The following PDSS2 variants were observed in gnomAD, a reference collection of about 807,000 sequenced individuals.
The protein encoded by PDSS2 is decaprenyl diphosphate synthase subunit 2, also known as all trans-polyprenyl-diphosphate synthase PDSS2.
In PDSS2, 31 loss-of-function variants were observed where a neutral mutation model predicts 44.5. That is an observed-to-expected ratio of 0.70 (90% CI 0.52 to 0.94). The LOEUF (loss-of-function observed/expected upper bound fraction) is 0.94, where lower values mean the gene tolerates loss of function less well. PDSS2 is among the 40% of genes least tolerant of loss of function. PDSS2 has a pLI of 0.00. For synonymous variants in PDSS2, 157 were observed against 180.3 expected, an observed-to-expected ratio of 0.87 and a Z score of 1.03; for missense variants, 452 against 482.2, an observed-to-expected ratio of 0.94 and a Z score of 0.59.
chr6:107,263,090 T>A (rs1775296745), intron 3 of PDSS2, among the ~76,000 whole-genome samples: 1 of 152,232 alleles, frequency 6.6e-6, no homozygotes, highest in Admixed American at 6.5e-5. Flanking sequence ...TATTTCTTGT[T>A]CAGTTTGTTT....
chr6:107,320,088 G>T (rs900319576), intron 2 of PDSS2, among the ~76,000 whole-genome samples: 5 of 152,150 alleles, frequency 3.3e-5, no homozygotes, highest in African/African-American at 1.2e-4. Flanking sequence ...TCGTTTGCAT[G>T]GCATAATAAG....
At chr6:107,333,919 C>A (rs539473466) in intron 2 of PDSS2, among the ~76,000 whole-genome samples, 3 of 152,042 alleles carry the variant, frequency 2.0e-5, no homozygotes, top group Non-Finnish European at 4.4e-5. Flanking sequence ...CACAACAATA[C>A]ATAATAAGGG....
chr6:107,154,129 T>C lies in PDSS2; in HGVS notation c.*490A>G. 6.2e-6 allele frequency: 1 copy of C among 161,768 alleles called. No individual in the cohort carries two copies. Among genetic ancestry groups the C allele is most frequent in the Non-Finnish European group, 1.4e-5 (1 of 73,848 alleles). 10.0% of individuals were successfully genotyped at this position (161,768 alleles called of 1,614,324 possible). ...TAATTACAAGCCAACAAATAAAACA[T>C]ATTTTTCTCAATCCATTGAACTACT... On this transcript the variant is annotated 3_prime_UTR_variant, in exon 8 of 8. Transcript: ENST00000369037.
chr6:107,393,399 A>T (rs563036089), intron 1 of PDSS2, among the ~76,000 whole-genome samples: 2 of 152,276 alleles, frequency 1.3e-5, no homozygotes, highest in South Asian at 4.1e-4. Flanking sequence ...AATTATTGAG[A>T]CTTTAAAAAT....
chr6:107,302,139 A>G (rs1274163861), intron 2 of PDSS2, among the ~76,000 whole-genome samples: 1 of 152,184 alleles, frequency 6.6e-6, no homozygotes, highest in Non-Finnish European at 1.5e-5. Context: ...TTAGCCTTCA[A>G]TGAGACTATT....
intron 2 of PDSS2, among the ~76,000 whole-genome samples, chr6:107,329,518 T>C (rs1426353954): frequency 6.6e-6 from 1 of 152,148 alleles, no homozygotes; most frequent in African/African-American, 2.4e-5. Context: ...TGTATATGCA[T>C]ATCTATGTCC....
chr6:107,232,685 G>A (rs1174646051), intron 4 of PDSS2, among the ~76,000 whole-genome samples: 1 of 152,118 alleles, frequency 6.6e-6, no homozygotes, highest in African/African-American at 2.4e-5. Context: ...TGAGCTCCAT[G>A]GGGGCAAAGA....
intron 1 of PDSS2, among the ~76,000 whole-genome samples, chr6:107,409,289 A>G (rs1343730036): frequency 6.6e-6 from 1 of 152,214 alleles, no homozygotes. Flanking sequence ...CTTGATTTTT[A>G]TAACTTTGGT....
intron 7 of PDSS2, among the ~76,000 whole-genome samples, chr6:107,186,585 G>A (rs193183522): frequency 5.9e-5 from 9 of 152,060 alleles, no homozygotes; most frequent in African/African-American, 9.6e-5. Context: ...CTATTGACCC[G>A]CTCTCTAAGT....
intron 1 of PDSS2, among the ~76,000 whole-genome samples, chr6:107,449,569 T>C (rs1415244791): frequency 6.6e-6 from 1 of 152,224 alleles, no homozygotes; most frequent in East Asian, 1.9e-4. Flanking sequence ...GACTGGCTTA[T>C]TTCACTTAGC....
At chr6:107,161,661 T>G (rs1158596212) in intron 7 of PDSS2, among the ~76,000 whole-genome samples, 1 of 152,174 alleles carries the variant, frequency 6.6e-6, no homozygotes, top group Non-Finnish European at 1.5e-5. Flanking sequence ...TATCCATGAC[T>G]CCTTTTGTGC....
intron 1 of PDSS2, among the ~76,000 whole-genome samples, chr6:107,359,789 A>C (rs1007139737): frequency 6.6e-6 from 1 of 152,130 alleles, no homozygotes. Context: ...AAGTCCAAAG[A>C]AATATGAAAA....
intron 1 of PDSS2, among the ~76,000 whole-genome samples, chr6:107,369,872 G>A (rs144142953): frequency 6.6e-6 from 1 of 152,066 alleles, no homozygotes; most frequent in Non-Finnish European, 1.5e-5. Flanking sequence ...TGTGGGTGGT[G>A]TTATGTCTGT....
chr6:107,323,352 C>T (rs1218097605), intron 2 of PDSS2, among the ~76,000 whole-genome samples: 1 of 152,104 alleles, frequency 6.6e-6, no homozygotes. Context: ...AGTGCTGTGC[C>T]TTGCAGAGAC....
At chr6:107,322,290 C>T (rs1174413389) in intron 2 of PDSS2, among the ~76,000 whole-genome samples, 3 of 150,824 alleles carry the variant, frequency 2.0e-5, no homozygotes, top group Non-Finnish European at 4.4e-5. Context: ...GAGGCCAAGG[C>T]AGGTGGATCA....
At chr6:107,343,827 T>C (rs1488938436) in intron 1 of PDSS2, among the ~76,000 whole-genome samples, 1 of 152,288 alleles carries the variant, frequency 6.6e-6, no homozygotes, top group East Asian at 1.9e-4. Context: ...GTGCTTGAAA[T>C]AGTGTTTAAA....
chr6:107,261,910 T>TC lies in PDSS2; in HGVS notation c.630+12118_630+12119insG, dbSNP rs1355288956. On this transcript the variant is annotated intron_variant, in intron 3 of 7. Coordinates refer to ENST00000369037, the MANE Select transcript of PDSS2 (RefSeq NM_020381.4). ...AGGTATTTCTTTTCTTTCTTTTCTT[T>TC]TTTTTTTTTTTTTTTTGAGATGGAG... is the stretch of plus-strand genomic sequence containing the variant. Among the ~76,000 whole-genome samples the TC allele has an allele frequency of 3.4e-4, 35 of 102,890 alleles. No homozygotes were observed. The East Asian group carries it at 5.8e-3, about 17-fold the overall frequency. 67.5% of individuals were successfully genotyped at this position (102,890 alleles called of 152,430 possible). A position where few individuals can be genotyped will look rare whatever the true frequency, so the allele number is the denominator to read the frequency against.
At chr6:107,333,436 CAT>C (rs1359622537) in intron 2 of PDSS2, among the ~76,000 whole-genome samples, 1 of 152,052 alleles carries the variant, frequency 6.6e-6, no homozygotes, top group East Asian at 1.9e-4. Flanking sequence ...AATCTAAATA[CAT>C]GAGATGTAAA....
rs77383836 is a variant in PDSS2 at position 107,451,160 on chromosome 6, T to C, written c.296+7830A>G. The stretch of plus-strand genomic sequence containing the variant: ...TGTTTAATTTTATAAGAAATTGTTA[T>C]GCTGTTTTCCAGAGGGGCCGAACCA... On this transcript the variant is annotated intron_variant, in intron 1 of 7. Coordinates refer to ENST00000369037, the MANE Select transcript of PDSS2 (RefSeq NM_020381.4). 9.1e-3 allele frequency among the ~76,000 whole-genome samples: 1,392 copies of C among 152,326 alleles called. 51 individuals are homozygous for C. The East Asian group carries it at 0.12, about 13-fold the overall frequency.
Sources: gnomAD v4.1 joint callset for allele counts (sites outside exome capture counted in the v4.1 genomes callset) on GRCh38, gnomAD v4.1.1 for gene constraint, MANE v1.5 for transcripts, NCBI Gene and HGNC (gene_info 2026-07-23, HGNC 2026-07-21) for gene names.